SLC25A30: variants seen among roughly 807,000 people sequenced by gnomAD.
SLC25A30 encodes the protein kidney mitochondrial carrier protein 1.
SLC25A30 carries 29 observed loss-of-function variants against 42.7 expected under a neutral mutation model. The ratio of observed to expected loss-of-function variants is 0.68; its 90% CI spans 0.51 to 0.93. SLC25A30 has a LOEUF of 0.93. Ranked by LOEUF, SLC25A30 falls within the 40% of genes least tolerant of loss-of-function variation. SLC25A30 has a pLI of 0.00. For missense variants in SLC25A30, 300 were observed against 359.7 expected, an observed-to-expected ratio of 0.83 and a Z score of 1.34; for synonymous variants, 124 against 131.0, an observed-to-expected ratio of 0.95 and a Z score of 0.37.
At chr13:45,398,118 G>T in intron 8 of SLC25A30, 1 of 904,708 alleles carries the variant, frequency 1.1e-6, no homozygotes, top group Non-Finnish European at 1.3e-6. Context: ...CACAAAAGTG[G>T]CCCCTGTAGC....
chr13:45,419,929 G>C (rs567917796), upstream of SLC25A30, among the ~76,000 whole-genome samples: 127 of 151,658 alleles, frequency 8.4e-4, no homozygotes, highest in African/African-American at 2.9e-3. Context: ...CTGCACTCTA[G>C]CCTGGGTGAC....
chr13:45,402,236 G>C (rs1882062610), intron 6 of SLC25A30, 39 bp downstream of exon 6: 1 of 1,487,348 alleles, frequency 6.7e-7, no homozygotes, highest in Admixed American at 1.8e-5. Context: ...AAGGAAAAAA[G>C]AACTAAATAA....
chr13:45,419,390 C>T (rs1189565616), upstream of SLC25A30, among the ~76,000 whole-genome samples: 2 of 151,076 alleles, frequency 1.3e-5, no homozygotes, highest in African/African-American at 2.4e-5. Context: ...ACCATCTCAG[C>T]TCACTGCAAC....
chr13:45,408,997 T>G lies in SLC25A30; in HGVS notation c.142A>C (p.Arg48=), dbSNP rs1352809226. 6.2e-7 allele frequency: 1 copy of G among 1,613,890 alleles called. No individual in the cohort carries two copies. The highest frequency in any genetic ancestry group is 8.5e-7 in the Non-Finnish European group (1 of 1,179,912). The change falls in exon 3 of 10, where the codon AGA becomes CGA. Residue 48 remains arginine, a synonymous_variant. Coordinates refer to ENST00000519676, the MANE Select transcript of SLC25A30 (RefSeq NM_001010875.4). ...AATGCGTGCAACATTCCTCGGTATC[T>G]AATTTCCTTAAATTTTGCATCATTC... is the stretch of plus-strand genomic sequence containing the variant. ...QTNDAKFKEI[R]YRGMLHALVR... is the part of the protein sequence containing the mutation.
At chr13:45,424,536 A>AATATTTAAATATATGAAT in the SLC25A30 span, among the ~76,000 whole-genome samples, 4 of 40,646 alleles carry the variant, frequency 9.8e-5, no homozygotes, top group African/African-American at 2.9e-4. Flanking sequence ...AATATATATA[A>AATATTTAAATATATGAAT]ATATATAAAT....
chr13:45,395,284 C>A lies in SLC25A30; in HGVS notation c.*690G>T. On this transcript the variant is annotated 3_prime_UTR_variant, in exon 10 of 10. Transcript: ENST00000519676. ...TGAAAACACCCCCCACCAATACAGA[C>A]CTTGCAACCTTCAAAGCCAACACAT... 3 of 985,890 alleles carry A rather than the reference C, an allele frequency of 3.0e-6. No individual in the cohort carries two copies. The highest frequency in any genetic ancestry group is 3.6e-6 in the Non-Finnish European group (3 of 830,280). The allele number at this position is 985,890 out of a possible 1,614,324, so 61.1% of individuals were successfully genotyped here. A position where few individuals can be genotyped will look rare whatever the true frequency, so the allele number is the denominator to read the frequency against.
At chr13:45,429,940 A>G in the SLC25A30 span, among the ~76,000 whole-genome samples, 3 of 152,142 alleles carry the variant, frequency 2.0e-5, no homozygotes, top group African/African-American at 7.2e-5. Flanking sequence ...TATATTGCCA[A>G]GAAAAAAAAA....
upstream of SLC25A30, among the ~76,000 whole-genome samples, chr13:45,422,747 A>G (rs781708718): frequency 2.0e-5 from 3 of 152,118 alleles, no homozygotes; most frequent in African/African-American, 7.2e-5. Flanking sequence ...TTGAGAATGC[A>G]TCTTTTGTGT....
the SLC25A30 span, among the ~76,000 whole-genome samples, chr13:45,426,472 G>A: frequency 2.0e-5 from 3 of 152,140 alleles, 1 homozygote; most frequent in South Asian, 6.2e-4. Context: ...GCCCTAAAGA[G>A]TAAAATCTTC....
intron 7 of SLC25A30, among the ~76,000 whole-genome samples, 153 bp from the exon 8 acceptor site, chr13:45,399,231 A>T (rs1175019338): frequency 1.3e-5 from 2 of 152,124 alleles, no homozygotes; most frequent in African/African-American, 4.8e-5. Context: ...TTTGAGACGA[A>T]GTCTTGCTCT....
chr13:45,425,780 C>A, the SLC25A30 span, among the ~76,000 whole-genome samples: 2 of 145,732 alleles, frequency 1.4e-5, no homozygotes, highest in Non-Finnish European at 3.0e-5. Context: ...GCCGTCTCCA[C>A]CTCCTGAATT....
chr13:45,399,832 A>G (rs750846853), intron 7 of SLC25A30, among the ~76,000 whole-genome samples: 3 of 151,780 alleles, frequency 2.0e-5, no homozygotes, highest in Non-Finnish European at 4.4e-5. Flanking sequence ...GTTCTGCTAT[A>G]TTTTCAGTCC....
In SLC25A30 at chr13:45,395,384, C is replaced by T. The variant is rs1881230234; in HGVS notation, c.*590G>A. On this transcript the variant is annotated 3_prime_UTR_variant, in exon 10 of 10. Transcript: ENST00000519676. ...ATGTCAAGTCTTCAAAGCTTAAAATCACTTATTATAAGTGGAAGATCCTGC... is the reference window on the plus strand; with the variant it reads ...ATGTCAAGTCTTCAAAGCTTAAAATTACTTATTATAAGTGGAAGATCCTGC... 6 of 986,532 alleles carry T rather than the reference C, an allele frequency of 6.1e-6. No homozygotes were observed. The highest frequency in any genetic ancestry group is 7.2e-6 in the Non-Finnish European group (6 of 830,640). 61.1% of individuals were successfully genotyped at this position (986,532 alleles called of 1,614,324 possible).
In SLC25A30 at chr13:45,395,610, T is replaced by G. The variant is rs1881245808; in HGVS notation, c.*364A>C. On this transcript the variant is annotated 3_prime_UTR_variant, in exon 10 of 10. Transcript: ENST00000519676. ...TCCAGTGAGCTTTTCTAGAGCAGTC[T>G]GATTCTCAGTCATGAGCTGAGATGC... 1 of 1,145,922 alleles carries G rather than the reference T, an allele frequency of 8.7e-7. No individual in the cohort carries two copies. 71.0% of individuals were successfully genotyped at this position (1,145,922 alleles called of 1,614,324 possible).
At chr13:45,417,222 G>A (rs1174201003) in intron 1 of SLC25A30, among the ~76,000 whole-genome samples, 2 of 152,116 alleles carry the variant, frequency 1.3e-5, no homozygotes, top group Admixed American at 1.3e-4. Flanking sequence ...TGTTGGCCAG[G>A]CTGGTCTCGA....
chr13:45,418,940 C>CAAAA (rs1168457204), upstream of SLC25A30, among the ~76,000 whole-genome samples: 9 of 14,912 alleles, frequency 6.0e-4, 1 homozygote, highest in South Asian at 3.2e-3. Flanking sequence ...GACTTCGTCT[C>CAAAA]AAAAAAAAAA....
Position 45,407,117 on chromosome 13 carries a change from G to A in SLC25A30, c.213-1140C>T, listed in dbSNP as rs370971470. 1.3e-4 allele frequency among the ~76,000 whole-genome samples: 20 copies of A among 152,100 alleles called. 3 individuals are homozygous for A. Among genetic ancestry groups the A allele is most frequent in the Admixed American group, 1.2e-3 (18 of 15,250 alleles). ...TCTCTATAAAAAATATAAAAGTAGCGCCAGACACGGTGGCTCACACCTGTA... is the reference window on the plus strand; with the variant it reads ...TCTCTATAAAAAATATAAAAGTAGCACCAGACACGGTGGCTCACACCTGTA... On this transcript the variant is annotated intron_variant, in intron 3 of 9. Transcript: ENST00000519676.
intron 9 of SLC25A30, chr13:45,396,316 A>G: frequency 8.0e-7 from 1 of 1,254,530 alleles, no homozygotes; most frequent in Non-Finnish European, 1.0e-6. Flanking sequence ...CCAGCACTGT[A>G]AGCTTTTGAG....
At chr13:45,400,057 C>T (rs1881806576) in intron 7 of SLC25A30, among the ~76,000 whole-genome samples, 1 of 146,038 alleles carries the variant, frequency 6.8e-6, no homozygotes, top group African/African-American at 2.5e-5. Context: ...CACACACACA[C>T]ACACACACAT....
Sources: gnomAD v4.1 joint callset for allele counts (sites outside exome capture counted in the v4.1 genomes callset) on GRCh38, gnomAD v4.1.1 for gene constraint, MANE v1.5 for transcripts, NCBI Gene and HGNC (gene_info 2026-07-23, HGNC 2026-07-21) for gene names.